Variants in EIF2AK1 observed in about 807,000 individuals in gnomAD.
EIF2AK1 encodes eukaryotic translation initiation factor 2 alpha kinase 1.
In EIF2AK1, 54 loss-of-function variants were observed where a neutral mutation model predicts 77.9. The ratio of observed to expected loss-of-function variants is 0.69; its 90% confidence interval spans 0.56 to 0.87. EIF2AK1 has a LOEUF of 0.87. EIF2AK1 is among the 40% of genes least tolerant of loss of function. EIF2AK1 has a pLI of 0.00. For synonymous variants in EIF2AK1, 314 were observed against 290.5 expected (o/e 1.08, Z -0.82); for missense variants, 810 against 768.6 (o/e 1.05, Z -0.64).
chr7:6,026,866 A>T lies in EIF2AK1; in HGVS notation c.1626T>A (p.Thr542=). 1 of 1,614,208 alleles carries T rather than the reference A, an allele frequency of 6.2e-7. No homozygotes were observed. The highest frequency in any genetic ancestry group is 1.1e-5 in the South Asian group (1 of 91,088). The change falls in exon 14 of 15, where the codon ACT becomes ACA. Residue 542 remains threonine, a synonymous_variant. Transcript: ENST00000199389. Reference sequence around the variant, plus strand: ...TACGGAGGGATTCCGGCAACTGACCAGTTCTTAAACCTGTTAGAACTTCTG... The same window carrying T: ...TACGGAGGGATTCCGGCAACTGACCTGTTCTTAAACCTGTTAGAACTTCTG... The part of the protein sequence containing the change: ...ERAEVLTGLR[T]GQLPESLRKR...
chr7:6,040,764 A>C (rs1788272831), intron 9 of EIF2AK1, 128 bp downstream of exon 9: 2 of 777,014 alleles, frequency 2.6e-6, no homozygotes, highest in Admixed American at 2.8e-5. Context: ...TGGCAAGGGG[A>C]ACATGGCCAG....
chr7:6,046,108 A>ATT lies in EIF2AK1; in HGVS notation c.591_592dup (p.Ile198LysfsTer3). ...TGTTTTAGTTGCACCCTTAATCAGG[A>ATT]TTTTTTTTATTGCATAATACTGACC... On this transcript the variant is annotated frameshift_variant, in exon 6 of 15. Transcript: ENST00000199389. LOFTEE classifies it high-confidence loss of function. The ATT allele has an allele frequency of 6.4e-7, 1 of 1,570,320 alleles. No homozygotes were observed. The highest frequency in any genetic ancestry group is 8.6e-7 in the Non-Finnish European group (1 of 1,160,954).
At chr7:6,054,472 G>A (rs1031196065) in intron 2 of EIF2AK1, 74 bp downstream of exon 2, 2 of 1,549,930 alleles carry the variant, frequency 1.3e-6, no homozygotes. Flanking sequence ...CCAAAGTGCT[G>A]GGATTACAGG....
chr7:6,031,728 C>A, intron 11 of EIF2AK1: 1 of 839,144 alleles, frequency 1.2e-6, no homozygotes, highest in Non-Finnish European at 1.8e-6. Flanking sequence ...TCCACACACA[C>A]TGCAGTGCTC....
chr7:6,057,311 A>G (rs1225532361), intron 1 of EIF2AK1, among the ~76,000 whole-genome samples: 3 of 151,908 alleles, frequency 2.0e-5, no homozygotes, highest in East Asian at 1.9e-4. Flanking sequence ...TATTAATTCC[A>G]TTTGAATCAA....
intron 7 of EIF2AK1, among the ~76,000 whole-genome samples, chr7:6,043,524 G>T (rs1349667854): frequency 6.6e-6 from 1 of 152,078 alleles, no homozygotes; most frequent in Non-Finnish European, 1.5e-5. Flanking sequence ...CACCTCCCGG[G>T]TTCAAGTGAT....
intron 11 of EIF2AK1, among the ~76,000 whole-genome samples, chr7:6,034,792 G>C (rs888398558): frequency 6.6e-6 from 1 of 152,088 alleles, no homozygotes; most frequent in East Asian, 1.9e-4. Flanking sequence ...CTGAGATGAG[G>C]GCCAAGTTGT....
At position 6,054,647 on chromosome 7, in the gene EIF2AK1, A is replaced by T. The variant is rs760656434; in HGVS notation, c.176T>A (p.Phe59Tyr). 72 of 1,614,142 alleles carry T rather than the reference A, an allele frequency of 4.5e-5. No homozygotes were observed. Among genetic ancestry groups the T allele is most frequent in the Non-Finnish European group, 6.0e-5 (71 of 1,180,018 alleles). The change falls in exon 2 of 15, where the codon TTC (phenylalanine) becomes TAC (tyrosine). Residue 59 changes from phenylalanine to tyrosine, a missense_variant. Phe to Tyr is a conservative substitution (Grantham distance 22). Coordinates refer to ENST00000199389, the MANE Select transcript of EIF2AK1 (RefSeq NM_014413.4). The part of the protein sequence containing the change: ...VLKEPLQQPT[F>Y]PFAVANQLLL... ...GAGTTGGTTTGCAACTGCAAAAGGGAAGGTTGGCTGTTGTAGGGGTTCTTT... is the reference window on the plus strand; with the variant it reads ...GAGTTGGTTTGCAACTGCAAAAGGGTAGGTTGGCTGTTGTAGGGGTTCTTT...
In EIF2AK1 at chr7:6,045,185, G is replaced by A. The variant is rs559248394; in HGVS notation, c.631-524C>T. Among the ~76,000 whole-genome samples the A allele has an allele frequency of 2.0e-5, 3 of 151,062 alleles. No individual in the cohort carries two copies. The South Asian group carries it at 6.3e-4, about 32-fold the overall frequency. ...TGAAGTGATGCCATCTTGGCTCACT[G>A]CAATCACTTTGCTGGGTTCAAGTCA... is the stretch of plus-strand genomic sequence containing the variant. On this transcript the variant is annotated intron_variant, in intron 6 of 14. Transcript: ENST00000199389.
Position 6,042,942 on chromosome 7 carries a change from T to G in EIF2AK1, c.782A>C (p.Glu261Ala), listed in dbSNP as rs1232349728. 1 of 1,613,996 alleles carries G rather than the reference T, an allele frequency of 6.2e-7. No individual in the cohort carries two copies. The change falls in exon 8 of 15, where the codon GAA becomes GCA. Residue 261 changes from glutamate (E) to alanine (A), a missense_variant. Glu to Ala is a moderately radical substitution (Grantham distance 107). Transcript: ENST00000199389. ...LPSLEVLSDQEEDREQCGVKN... is the reference protein window; with the variant it reads ...LPSLEVLSDQAEDREQCGVKN... ...ATGTAAAAGGACATACCTGTCCTCT[T>G]CCTGGTCGGAGAGCACTTCCAGAGA...
In EIF2AK1 at chr7:6,035,312, T is replaced by C; in HGVS notation, c.1332+2112A>G. ...CTGAGAAACTACCCAGCGATACAGA[T>C]TTTGAAACACGTCCTTAAGGTAATT... On this transcript the variant is annotated intron_variant, in intron 11 of 14. Coordinates refer to ENST00000199389, the MANE Select transcript of EIF2AK1 (RefSeq NM_014413.4). The surrounding 1 kb of genome is among the most constrained non-coding windows in gnomAD (Gnocchi z 5.5). 1 of 950,848 alleles carries C rather than the reference T, an allele frequency of 1.1e-6. No individual in the cohort carries two copies. The highest frequency in any genetic ancestry group is 2.9e-5 in the Admixed American group (1 of 34,626). The allele number at this position is 950,848 out of a possible 1,614,324, so 58.9% of individuals were successfully genotyped here.
intron 7 of EIF2AK1, 152 bp downstream of exon 7, chr7:6,044,410 C>T: frequency 3.3e-6 from 2 of 598,376 alleles, no homozygotes; most frequent in Non-Finnish European, 5.6e-6. Context: ...GGCGGAGCAG[C>T]CTGGGCGACA....
chr7:6,029,519 A>G (rs1787840864), intron 11 of EIF2AK1, among the ~76,000 whole-genome samples: 1 of 151,610 alleles, frequency 6.6e-6, no homozygotes, highest in South Asian at 2.1e-4. Flanking sequence ...TCAACATTCA[A>G]CCATTCCCCA....
intron 1 of EIF2AK1, among the ~76,000 whole-genome samples, chr7:6,055,422 G>A (rs570321752): frequency 1.1e-4 from 17 of 151,204 alleles, no homozygotes; most frequent in African/African-American, 3.6e-4. Flanking sequence ...CTCGATGAGC[G>A]TGTGCTACTT....
Position 6,024,603 on chromosome 7 carries a change from TACCA to T in EIF2AK1, c.*66_*69del. 2 of 1,604,072 alleles carry T rather than the reference TACCA, an allele frequency of 1.2e-6. No individual in the cohort carries two copies. The highest frequency in any genetic ancestry group is 1.7e-6 in the Non-Finnish European group (2 of 1,176,964). On this transcript the variant is annotated 3_prime_UTR_variant, in exon 15 of 15. Coordinates refer to ENST00000199389, the MANE Select transcript of EIF2AK1 (RefSeq NM_014413.4). ...GCTTACTAAATACAACGAAGCATTG[TACCA>T]ACTATACCCTAATAAAGATTAAAAA...
At chr7:6,056,613 A>AAAAAAAATATATATAT in intron 1 of EIF2AK1, among the ~76,000 whole-genome samples, 2 of 43,738 alleles carry the variant, frequency 4.6e-5, no homozygotes, top group East Asian at 6.3e-4. Flanking sequence ...AAAAAAAAAA[A>AAAAAAAATATATATAT]ATATATATAT....
chr7:6,026,374 C>T (rs6973250), intron 14 of EIF2AK1: 69,785 of 481,286 alleles, frequency 0.14, 5,689 homozygotes, highest in South Asian at 0.18. Context: ...GCAAACCCTG[C>T]GGGCCCCTCC....
rs554992831 is a variant in EIF2AK1, at chr7:6,058,712, C to T, written c.118+254G>A. Among the ~76,000 whole-genome samples, 12 of 152,332 alleles carry T rather than the reference C, an allele frequency of 7.9e-5. No homozygotes were observed. In the South Asian group the frequency reaches 2.3e-3, roughly 29 times the overall value. ...TCCCCAGCCATCCGAAGGCCTCAGT[C>T]CCCAGAGAGGAAACCAAGGAACAGA... On this transcript the variant is annotated intron_variant, in intron 1 of 14. Coordinates refer to ENST00000199389, the MANE Select transcript of EIF2AK1 (RefSeq NM_014413.4).
intron 11 of EIF2AK1, among the ~76,000 whole-genome samples, chr7:6,029,951 G>A (rs900789266): frequency 9.2e-5 from 14 of 152,288 alleles, no homozygotes; most frequent in African/African-American, 3.4e-4. Flanking sequence ...CTGCACTCCA[G>A]CCTGGGAAAC....
Sources: allele counts gnomAD v4.1 joint callset (sites outside exome capture counted in the v4.1 genomes callset), GRCh38; gene constraint gnomAD v4.1.1; non-coding constraint Gnocchi (gnomAD v3.1); transcripts MANE v1.5; gene names NCBI Gene and HGNC (gene_info 2026-07-23, HGNC 2026-07-21).